Variants in PFKFB3 observed in about 807,000 individuals in gnomAD.
PFKFB3 encodes 6-phosphofructo-2-kinase/fructose-2,6-bisphosphatase 3.
Under a neutral mutation model 68.0 loss-of-function variants are expected in PFKFB3, and 33 were observed. That is an observed-to-expected ratio of 0.49 (90% CI 0.37 to 0.65). The LOEUF is 0.65. PFKFB3 is among the 30% of genes least tolerant of loss of function. PFKFB3 has a pLI of 0.00. For synonymous variants in PFKFB3, 315 were observed against 288.2 expected (o/e 1.09, Z -0.94); for missense variants, 586 against 712.2 (o/e 0.82, Z 2.02).
At position 6,203,318 on chromosome 10, in the gene PFKFB3, A is replaced by G; in HGVS notation, c.58A>G (p.Arg20Gly). 6.2e-7 allele frequency: 1 copy of G among 1,609,168 alleles called. No homozygotes were observed. Among genetic ancestry groups the G allele is most frequent in the Non-Finnish European group, 8.5e-7 (1 of 1,177,880 alleles). Residue 20 changes from arginine (R) to glycine (G), a missense_variant, in exon 1 of 15, where the codon AGG (arginine) becomes GGG (glycine). Physicochemically the swap from Arg to Gly is moderately radical, Grantham distance 125. Transcript: ENST00000379775. ...GAAGATCTGGGTGCCCGTGGACCAC[A>G]GGCCCTCGTTGCCCAGATGTGAGTG... is the stretch of plus-strand genomic sequence containing the variant. ...VQKIWVPVDH[R>G]PSLPRSCGPK... is the part of the protein sequence containing the mutation.
intron 1 of PFKFB3, among the ~76,000 whole-genome samples, chr10:6,209,164 A>G (rs564773662): frequency 6.6e-6 from 1 of 152,306 alleles, no homozygotes; most frequent in African/African-American, 2.4e-5. Context: ...ACTTTCTGGG[A>G]GGACTTACCC....
intron 1 of PFKFB3, among the ~76,000 whole-genome samples, chr10:6,204,071 G>C (rs1388152251): frequency 6.6e-6 from 1 of 151,752 alleles, no homozygotes; most frequent in Non-Finnish European, 1.5e-5. Flanking sequence ...CCGGGCGCAC[G>C]CACCCCCCGG....
Position 6,203,102 on chromosome 10 carries a change from T to C in PFKFB3, c.-159T>C, listed in dbSNP as rs959142346. The C allele has an allele frequency of 2.7e-6, 4 of 1,463,150 alleles. No homozygotes were observed. The East Asian group carries it at 1.0e-4, about 38-fold the overall frequency. 90.6% of individuals were successfully genotyped at this position (1,463,150 alleles called of 1,614,324 possible). On this transcript the variant is annotated 5_prime_UTR_variant, in exon 1 of 15. Coordinates refer to ENST00000379775, the MANE Select transcript of PFKFB3 (RefSeq NM_004566.4). Reference sequence around the variant, plus strand: ...CCCCGCACAGGCGAGGGTCCGGAACTTAGCCCAAAGCACGTTTCCCCTGGC... The same window carrying C: ...CCCCGCACAGGCGAGGGTCCGGAACCTAGCCCAAAGCACGTTTCCCCTGGC...
Position 6,233,194 on chromosome 10 carries a change from C to G in PFKFB3, c.*252C>G. 2.0e-6 allele frequency: 1 copy of G among 495,888 alleles called. No individual in the cohort carries two copies. Among genetic ancestry groups the G allele is most frequent in the Non-Finnish European group, 3.6e-6 (1 of 274,728 alleles). 30.7% of individuals were successfully genotyped at this position (495,888 alleles called of 1,614,324 possible). ...CCCCCACCTCCACTCTCTGGGTTTC[C>G]TAGGAATGTCCAGCCTCGGAGACCT... On this transcript the variant is annotated 3_prime_UTR_variant, in exon 15 of 15. Transcript: ENST00000379775.
At chr10:6,156,558 T>C (rs548632091) in intron 1 of PFKFB3, among the ~76,000 whole-genome samples, 5 of 151,316 alleles carry the variant, frequency 3.3e-5, no homozygotes, top group Admixed American at 2.0e-4. Flanking sequence ...CCCAGGCTGA[T>C]GTGCAGTGGC....
intron 1 of PFKFB3, among the ~76,000 whole-genome samples, chr10:6,210,049 G>GTGCACCCCTCTCTTGTT (rs1204853552): frequency 2.4e-5 from 3 of 123,538 alleles, no homozygotes; most frequent in Non-Finnish European, 5.9e-5. Context: ...ACCGTGCCCG[G>GTGCACCCCTCTCTTGTT]CCTAATACTT....
chr10:6,231,320 T>C, intron 14 of PFKFB3: 1 of 1,612,510 alleles, frequency 6.2e-7, no homozygotes, highest in Non-Finnish European at 8.5e-7. Flanking sequence ...GGAAGGTAAA[T>C]GCCTGGGTGC....
At chr10:6,148,959 G>C (rs1482373628) in intron 1 of PFKFB3, among the ~76,000 whole-genome samples, 2 of 152,114 alleles carry the variant, frequency 1.3e-5, no homozygotes, top group Non-Finnish European at 2.9e-5. Context: ...TGAACTTGTA[G>C]TCCCAGCTAC....
intron 1 of PFKFB3, among the ~76,000 whole-genome samples, chr10:6,173,620 C>G (rs1842375708): frequency 1.3e-5 from 2 of 151,848 alleles, no homozygotes; most frequent in Admixed American, 6.6e-5. Flanking sequence ...TGTTAGTAGA[C>G]ACAGAGGGAA....
At chr10:6,216,090 G>C (rs747900698) in intron 3 of PFKFB3, 35 bp from the exon 4 acceptor site, 2 of 1,601,008 alleles carry the variant, frequency 1.2e-6, no homozygotes, top group Non-Finnish European at 1.7e-6. Flanking sequence ...GGATGCACCG[G>C]CGCTGACATT....
At chr10:6,224,318 C>A in intron 13 of PFKFB3, 105 bp downstream of exon 13, 2 of 1,064,810 alleles carry the variant, frequency 1.9e-6, no homozygotes, top group Non-Finnish European at 2.9e-6. Context: ...AGGTGCTGGC[C>A]TGTCTGGGGC....
the PFKFB3 span, among the ~76,000 whole-genome samples, chr10:6,276,980 C>T: frequency 3.3e-5 from 5 of 152,162 alleles, no homozygotes; most frequent in Middle Eastern, 3.4e-3. Context: ...CCCTCTAGAG[C>T]CTCAAGTCAC....
At chr10:6,170,706 T>C (rs1273693140) in intron 1 of PFKFB3, among the ~76,000 whole-genome samples, 26 of 149,756 alleles carry the variant, frequency 1.7e-4, no homozygotes, top group Admixed American at 1.7e-3. Flanking sequence ...GGGGACAGGG[T>C]ATGGAGGTGG....
the PFKFB3 span, among the ~76,000 whole-genome samples, chr10:6,325,268 A>G: frequency 1.3e-5 from 2 of 152,222 alleles, no homozygotes; most frequent in African/African-American, 2.4e-5. Context: ...CCAGCCTGGC[A>G]TACAATTTTT....
intron 4 of PFKFB3, 67 bp downstream of exon 4, chr10:6,216,258 G>C (rs1844571408): frequency 3.0e-5 from 43 of 1,439,938 alleles, no homozygotes; most frequent in Non-Finnish European, 4.0e-5. Flanking sequence ...CACCGGCCTG[G>C]GGTGTACCGA....
chr10:6,312,010 T>C, the PFKFB3 span, among the ~76,000 whole-genome samples: 1 of 152,066 alleles, frequency 6.6e-6, no homozygotes, highest in African/African-American at 2.4e-5. Context: ...TTCATAAGAA[T>C]CGGGGGCAGG....
At chr10:6,279,382 G>A in the PFKFB3 span, among the ~76,000 whole-genome samples, 1 of 152,038 alleles carries the variant, frequency 6.6e-6, no homozygotes, top group Non-Finnish European at 1.5e-5. Context: ...TTTCTGTGCC[G>A]CCAATCGGGT....
chr10:6,196,998 T>G (rs1843196340), intron 1 of PFKFB3, among the ~76,000 whole-genome samples: 1 of 151,932 alleles, frequency 6.6e-6, no homozygotes, highest in South Asian at 2.1e-4. Flanking sequence ...ATTATTATTA[T>G]TTTTGAGACA....
intron 11 of PFKFB3, among the ~76,000 whole-genome samples, chr10:6,223,581 G>C (rs1263437120): frequency 6.6e-6 from 1 of 152,118 alleles, no homozygotes; most frequent in Non-Finnish European, 1.5e-5. Flanking sequence ...GTCCTTGTTG[G>C]GGGGACCGTA....
Sources: allele counts gnomAD v4.1 joint callset (sites outside exome capture counted in the v4.1 genomes callset), GRCh38; gene constraint gnomAD v4.1.1; transcripts MANE v1.5; gene names NCBI Gene and HGNC (gene_info 2026-07-23, HGNC 2026-07-21).